RHBDD1: variants seen among roughly 807,000 people sequenced by gnomAD.
RHBDD1 encodes the protein rhomboid domain containing 1.
RHBDD1 carries 38 observed loss-of-function variants against 36.3 expected under a neutral mutation model. That is an observed-to-expected ratio of 1.05 (90% CI 0.81 to 1.37). RHBDD1 has a LOEUF of 1.37. RHBDD1 is among the 40% of genes most tolerant of loss of function. The probability of loss-of-function intolerance (pLI) is 0.00; values close to 1 mark genes in which losing one functional copy is unlikely to be tolerated. For synonymous variants in RHBDD1, 151 were observed against 136.5 expected (o/e 1.11, Z -0.74); for missense variants, 393 against 377.6 (o/e 1.04, Z -0.34).
intron 3 of RHBDD1, among the ~76,000 whole-genome samples, chr2:226,854,341 C>T (rs1353495653): frequency 1.3e-5 from 2 of 151,912 alleles, no homozygotes; most frequent in Non-Finnish European, 2.9e-5. Context: ...ACCTGTAATC[C>T]CAGCACTTTA....
chr2:226,995,614 A>T lies in RHBDD1; in HGVS notation c.*92A>T. On this transcript the variant is annotated 3_prime_UTR_variant, in exon 9 of 9. Transcript: ENST00000392062. Reference sequence around the variant, plus strand: ...CCTAATTCATTTTAATTCATTTTAAACAAAAGCAGAGTACACCGGTATTGC... The same window carrying T: ...CCTAATTCATTTTAATTCATTTTAATCAAAAGCAGAGTACACCGGTATTGC... 1.1e-6 allele frequency: 1 copy of T among 902,016 alleles called. No individual in the cohort carries two copies. The highest frequency in any genetic ancestry group is 1.8e-6 in the Non-Finnish European group (1 of 559,008). 55.9% of individuals were successfully genotyped at this position (902,016 alleles called of 1,614,324 possible). A position where few individuals can be genotyped will look rare whatever the true frequency, so the allele number is the denominator to read the frequency against.
At chr2:226,835,065 C>T (rs951521147), upstream of RHBDD1, among the ~76,000 whole-genome samples, 1 of 152,206 alleles carries the variant, frequency 6.6e-6, no homozygotes, top group Non-Finnish European at 1.5e-5. Flanking sequence ...CGTGGGCCAC[C>T]GCGCCAGGCC....
chr2:226,924,657 CATGGTGTCAGGGCCTG>C (rs1160615119), intron 8 of RHBDD1, among the ~76,000 whole-genome samples: 2 of 152,158 alleles, frequency 1.3e-5, no homozygotes, highest in Non-Finnish European at 2.9e-5. Flanking sequence ...CACTTTTGCC[CATGGTGTCAGGGCCTG>C]ATGGAACTCA....
At chr2:226,874,437 A>C (rs753921097) in intron 5 of RHBDD1, among the ~76,000 whole-genome samples, 1 of 152,138 alleles carries the variant, frequency 6.6e-6, no homozygotes, top group African/African-American at 2.4e-5. Flanking sequence ...AATTCCTTCT[A>C]CAGTTGGTGT....
intron 8 of RHBDD1, among the ~76,000 whole-genome samples, chr2:226,916,208 G>A (rs1312696253): frequency 1.3e-5 from 2 of 152,238 alleles, no homozygotes; most frequent in African/African-American, 2.4e-5. Context: ...TAGGGAGATA[G>A]TCTCCACCTC....
the RHBDD1 span, among the ~76,000 whole-genome samples, chr2:226,806,808 A>T: frequency 6.6e-6 from 1 of 152,372 alleles, no homozygotes; most frequent in African/African-American, 2.4e-5. Flanking sequence ...CTAAGGTGTC[A>T]TGACCTACAG....
chr2:226,891,608 C>T (rs1946693222), intron 5 of RHBDD1, among the ~76,000 whole-genome samples: 1 of 152,160 alleles, frequency 6.6e-6, no homozygotes, highest in African/African-American at 2.4e-5. Context: ...GGTGACAGAG[C>T]TGACATCAGC....
chr2:226,962,740 T>C (rs1952306540), intron 8 of RHBDD1, among the ~76,000 whole-genome samples: 1 of 152,240 alleles, frequency 6.6e-6, no homozygotes, highest in Non-Finnish European at 1.5e-5. Flanking sequence ...ACATACCATA[T>C]GCTTTCTTAC....
At chr2:226,870,756 GAAAAT>G (rs1318241334) in intron 5 of RHBDD1, among the ~76,000 whole-genome samples, 1 of 152,124 alleles carries the variant, frequency 6.6e-6, no homozygotes, top group Non-Finnish European at 1.5e-5. Flanking sequence ...GTAAGCTAGA[GAAAAT>G]AAAATGTTAT....
intron 3 of RHBDD1, among the ~76,000 whole-genome samples, chr2:226,856,935 G>A (rs1411203861): frequency 6.6e-6 from 1 of 152,128 alleles, no homozygotes; most frequent in Non-Finnish European, 1.5e-5. Flanking sequence ...TGCCATTGAA[G>A]TACATTCTCT....
intron 7 of RHBDD1, 70 bp downstream of exon 7, chr2:226,908,948 A>T (rs779354002): frequency 4.2e-6 from 4 of 951,240 alleles, no homozygotes; most frequent in Non-Finnish European, 6.7e-6. Flanking sequence ...TCTACAGAGT[A>T]CTTTAGGATA....
chr2:226,826,432 C>A, the RHBDD1 span, among the ~76,000 whole-genome samples: 24 of 151,868 alleles, frequency 1.6e-4, no homozygotes, highest in Middle Eastern at 3.4e-3. Flanking sequence ...GGCATGTCTA[C>A]TTGCAAATGC....
chr2:226,992,310 G>A (rs762993499), intron 8 of RHBDD1, among the ~76,000 whole-genome samples: 2 of 152,160 alleles, frequency 1.3e-5, no homozygotes, highest in South Asian at 2.1e-4. Flanking sequence ...GATTCTCTTC[G>A]AAATAAGTTT....
At chr2:226,847,314 G>A (rs781617268) in intron 3 of RHBDD1, among the ~76,000 whole-genome samples, 5 of 151,960 alleles carry the variant, frequency 3.3e-5, no homozygotes, top group Non-Finnish European at 5.9e-5. Flanking sequence ...AACAGCACAT[G>A]CATGCTATTT....
chr2:226,814,748 C>T, the RHBDD1 span, among the ~76,000 whole-genome samples: 8 of 152,284 alleles, frequency 5.3e-5, no homozygotes, highest in East Asian at 7.7e-4. Flanking sequence ...TCCTGAGCAA[C>T]GGGTAGGCTA....
At chr2:226,967,973 C>A (rs907020256) in intron 8 of RHBDD1, among the ~76,000 whole-genome samples, 4 of 152,178 alleles carry the variant, frequency 2.6e-5, no homozygotes, top group African/African-American at 9.6e-5. Context: ...CCATGACTCT[C>A]TTTTGCTAGT....
At position 226,995,486 on chromosome 2, in the gene RHBDD1, G is replaced by A. The variant is rs1461599800; in HGVS notation, c.912G>A (p.Met304Ile). 1.2e-6 allele frequency: 2 copies of A among 1,613,316 alleles called. No homozygotes were observed. The highest frequency in any genetic ancestry group is 1.7e-6 in the Non-Finnish European group (2 of 1,179,628). ...PYGFHLSPEE[M>I]RRQRLHRFDS... ...GGTTTCATCTCTCACCAGAAGAAATGAGGAGACAGCGGCTTCACAGATTCG... is the reference window on the plus strand; with the variant it reads ...GGTTTCATCTCTCACCAGAAGAAATAAGGAGACAGCGGCTTCACAGATTCG... The change falls in exon 9 of 9, where the codon ATG (methionine) becomes ATA (isoleucine). Residue 304 changes from methionine (M) to isoleucine (I), a missense_variant. Coordinates refer to ENST00000392062, the MANE Select transcript of RHBDD1 (RefSeq NM_001167608.3).
chr2:226,966,674 G>T (rs1168807926), intron 8 of RHBDD1, among the ~76,000 whole-genome samples: 1 of 152,144 alleles, frequency 6.6e-6, no homozygotes, highest in Non-Finnish European at 1.5e-5. Flanking sequence ...CATTGTATCA[G>T]TGCAGATCTA....
At chr2:226,980,653 T>C (rs1262756822) in intron 8 of RHBDD1, among the ~76,000 whole-genome samples, 2 of 152,188 alleles carry the variant, frequency 1.3e-5, no homozygotes, top group Non-Finnish European at 2.9e-5. Context: ...TAAAACCATA[T>C]AGTCCTTTCT....
Sources: gnomAD v4.1 joint callset for allele counts (sites outside exome capture counted in the v4.1 genomes callset) on GRCh38, gnomAD v4.1.1 for gene constraint, MANE v1.5 for transcripts, NCBI Gene and HGNC (gene_info 2026-07-23, HGNC 2026-07-21) for gene names.